ELMO1: variants seen among roughly 807,000 people sequenced by gnomAD.
ELMO1 encodes engulfment and cell motility 1, also known as engulfment and cell motility protein 1.
In ELMO1, 26 loss-of-function variants were observed where a neutral mutation model predicts 98.9. The observed-to-expected ratio is 0.26, with a 90% CI of 0.19 to 0.36. The LOEUF (loss-of-function observed/expected upper bound fraction) is 0.36, where lower values mean the gene tolerates loss of function less well. Among genes scored for constraint, ELMO1 ranks in the 10% least tolerant of loss-of-function variants. The probability of loss-of-function intolerance (pLI) is 1.00; values close to 1 mark genes in which losing one functional copy is unlikely to be tolerated. For missense variants in ELMO1, 627 were observed against 935.2 expected, an observed-to-expected ratio of 0.67 and a Z score of 4.30; for synonymous variants, 346 against 346.0, an observed-to-expected ratio of 1.00 and a Z score of 0.00.
At chr7:37,091,569 G>T (rs1305889142) in intron 15 of ELMO1, among the ~76,000 whole-genome samples, 1 of 152,020 alleles carries the variant, frequency 6.6e-6, no homozygotes, top group Non-Finnish European at 1.5e-5. Context: ...TTTTCTGTAA[G>T]GGCACCACTC....
At chr7:36,944,948 G>A (rs1198166871) in intron 16 of ELMO1, among the ~76,000 whole-genome samples, 3 of 152,172 alleles carry the variant, frequency 2.0e-5, no homozygotes, top group Non-Finnish European at 4.4e-5. Flanking sequence ...TGGGAATAAA[G>A]GGTCCTGAAT....
rs545542326 is a variant in ELMO1, at chr7:37,000,530, AT to A, written c.1437+12768del. ...TCTTATGACATTCTAAGGGGGATGC[AT>A]TTTTTCCCCCCAATTTAAGATAACT... On this transcript the variant is annotated intron_variant, in intron 16 of 21. Transcript: ENST00000310758. Among the ~76,000 whole-genome samples the A allele has an allele frequency of 5.7e-3, 862 of 152,308 alleles. 7 individuals are homozygous for A. The highest frequency in any genetic ancestry group is 0.016 in the African/African-American group (677 of 41,554).
At chr7:36,969,574 A>G (rs1250454242) in intron 16 of ELMO1, among the ~76,000 whole-genome samples, 1 of 152,176 alleles carries the variant, frequency 6.6e-6, no homozygotes, top group Non-Finnish European at 1.5e-5. Context: ...GTTGGTGCAC[A>G]TCAGAATTGA....
intron 16 of ELMO1, among the ~76,000 whole-genome samples, chr7:36,930,801 C>G (rs1328378146): frequency 2.0e-5 from 3 of 152,100 alleles, no homozygotes; most frequent in African/African-American, 4.8e-5. Flanking sequence ...AAGGCAAGGG[C>G]AAAAACGGTC....
chr7:37,348,731 A>G (rs995045308), intron 1 of ELMO1, among the ~76,000 whole-genome samples: 3 of 152,040 alleles, frequency 2.0e-5, no homozygotes, highest in Admixed American at 2.0e-4. Context: ...CTCTCTACAC[A>G]TTGTTCTATG....
chr7:36,860,764 T>G (rs1802565692), intron 21 of ELMO1, among the ~76,000 whole-genome samples: 1 of 152,230 alleles, frequency 6.6e-6, no homozygotes, highest in South Asian at 2.1e-4. Flanking sequence ...AAATGTCAAG[T>G]GACACAGAAT....
intron 15 of ELMO1, among the ~76,000 whole-genome samples, chr7:37,083,654 T>TA (rs1783602979): frequency 6.6e-6 from 1 of 152,210 alleles, no homozygotes; most frequent in Non-Finnish European, 1.5e-5. Flanking sequence ...TGCTGGGATC[T>TA]AAAACTGTGT....
intron 2 of ELMO1, among the ~76,000 whole-genome samples, chr7:37,326,167 C>T (rs1000780977): frequency 6.6e-6 from 1 of 152,206 alleles, no homozygotes; most frequent in African/African-American, 2.4e-5. Flanking sequence ...GTGTGAATAA[C>T]AGACCCAAGA....
At chr7:37,373,153 C>T (rs999963996) in intron 1 of ELMO1, among the ~76,000 whole-genome samples, 4 of 152,174 alleles carry the variant, frequency 2.6e-5, no homozygotes, top group African/African-American at 7.2e-5. Flanking sequence ...ACACTGAAGA[C>T]GGCGCTAGCA....
chr7:37,342,472 G>A lies in ELMO1; in HGVS notation c.78+141C>T. On this transcript the variant is annotated intron_variant, in intron 2 of 21. Transcript: ENST00000310758. The surrounding 1 kb of genome is among the most constrained non-coding windows in gnomAD (Gnocchi z 4.3). Reference sequence around the variant, plus strand: ...TCACTGTATGTGCTACAGAAATCAAGCACATTGCAACTATTATTGCACAGA... The same window carrying A: ...TCACTGTATGTGCTACAGAAATCAAACACATTGCAACTATTATTGCACAGA... 1.2e-6 allele frequency: 1 copy of A among 836,676 alleles called. No homozygotes were observed. The highest frequency in any genetic ancestry group is 2.0e-6 in the Non-Finnish European group (1 of 495,692). 51.8% of individuals were successfully genotyped at this position (836,676 alleles called of 1,614,324 possible).
chr7:37,206,162 A>T (rs887125711), intron 13 of ELMO1, among the ~76,000 whole-genome samples: 1 of 152,212 alleles, frequency 6.6e-6, no homozygotes, highest in Non-Finnish European at 1.5e-5. Context: ...TAAGATCGTA[A>T]TAATAGCATC....
intron 16 of ELMO1, among the ~76,000 whole-genome samples, chr7:36,913,044 T>G (rs925771267): frequency 6.6e-6 from 1 of 152,198 alleles, no homozygotes; most frequent in Non-Finnish European, 1.5e-5. Context: ...ATTAGCACAC[T>G]GCTCGGGAGG....
At chr7:36,917,848 G>C (rs917870846) in intron 16 of ELMO1, among the ~76,000 whole-genome samples, 1 of 152,064 alleles carries the variant, frequency 6.6e-6, no homozygotes, top group Non-Finnish European at 1.5e-5. Flanking sequence ...TATCAACTGG[G>C]GAAGATATAA....
rs191722467 is a variant in ELMO1, at chr7:37,320,030, C to T, written c.79-4070G>A. Among the ~76,000 whole-genome samples, 175 of 152,080 alleles carry T rather than the reference C, an allele frequency of 1.2e-3. 1 individual carries two copies. Among genetic ancestry groups the T allele is most frequent in the Middle Eastern group, 3.4e-3 (1 of 294 alleles). ...CAGCACTTTGGGAGGCGGAGGTGGGCGGATCATGAGGTCAGGAGATTGAGA... is the reference window on the plus strand; with the variant it reads ...CAGCACTTTGGGAGGCGGAGGTGGGTGGATCATGAGGTCAGGAGATTGAGA... On this transcript the variant is annotated intron_variant, in intron 2 of 21. Coordinates refer to ENST00000310758, the MANE Select transcript of ELMO1 (RefSeq NM_014800.11).
At chr7:37,166,185 TC>T (rs1305588630) in intron 13 of ELMO1, among the ~76,000 whole-genome samples, 1 of 152,174 alleles carries the variant, frequency 6.6e-6, no homozygotes, top group African/African-American at 2.4e-5. Flanking sequence ...GGTGGTGATA[TC>T]CCCTTTATCA....
chr7:37,226,555 G>C (rs144638282), intron 8 of ELMO1, among the ~76,000 whole-genome samples: 1 of 151,938 alleles, frequency 6.6e-6, no homozygotes, highest in Non-Finnish European at 1.5e-5. Flanking sequence ...CATTTTTCAC[G>C]CTCTCGGCAT....
intron 1 of ELMO1, among the ~76,000 whole-genome samples, chr7:37,350,843 G>T (rs1228667370): frequency 6.6e-6 from 1 of 152,186 alleles, no homozygotes; most frequent in East Asian, 1.9e-4. Flanking sequence ...AACACAGAAG[G>T]TACAGAGGGG....
chr7:37,130,355 T>A (rs986223686), intron 14 of ELMO1, among the ~76,000 whole-genome samples: 1 of 152,250 alleles, frequency 6.6e-6, no homozygotes, highest in Non-Finnish European at 1.5e-5. Context: ...CCTGAGGGAC[T>A]GAGACAAGCA....
chr7:37,342,719 T>C lies in ELMO1; in HGVS notation c.-29A>G. The C allele has an allele frequency of 6.3e-7, 1 of 1,594,586 alleles. No homozygotes were observed. On this transcript the variant is annotated 5_prime_UTR_variant, in exon 2 of 22. Coordinates refer to ENST00000310758, the MANE Select transcript of ELMO1 (RefSeq NM_014800.11). The surrounding 1 kb of genome is among the most constrained non-coding windows in gnomAD (Gnocchi z 4.3). ...AAGTCCCCAAAATGTTCAAAGCCAG[T>C]GGGAATGAGGATCCTACAGCGTAAA...
Sources: gnomAD v4.1 joint callset for allele counts (sites outside exome capture counted in the v4.1 genomes callset) on GRCh38, gnomAD v4.1.1 for gene constraint, Gnocchi (gnomAD v3.1) non-coding constraint, MANE v1.5 for transcripts, NCBI Gene and HGNC (gene_info 2026-07-23, HGNC 2026-07-21) for gene names.